TMEM108: variants seen among roughly 807,000 people sequenced by gnomAD.
The protein encoded by TMEM108 is cancer/testis antigen 124.
A neutral mutation model predicts 35.1 loss-of-function variants in TMEM108; 12 were observed. The observed-to-expected ratio is 0.34, with a 90% CI of 0.22 to 0.55. The LOEUF is 0.55. Ranked by LOEUF, TMEM108 falls within the 20% of genes least tolerant of loss-of-function variation. The pLI, the probability that TMEM108 is intolerant of heterozygous loss-of-function variation, is 0.89. For missense variants in TMEM108, 680 were observed against 753.3 expected (o/e 0.90, Z 1.14); for synonymous variants, 287 against 308.6 (o/e 0.93, Z 0.73).
At chr3:133,100,350 A>G (rs1944071993) in intron 2 of TMEM108, among the ~76,000 whole-genome samples, 1 of 152,220 alleles carries the variant, frequency 6.6e-6, no homozygotes, top group Admixed American at 6.5e-5. Flanking sequence ...CTATAATCCC[A>G]GCATTTTGGG....
At chr3:133,343,960 C>G (rs75072588) in intron 3 of TMEM108, among the ~76,000 whole-genome samples, 241 of 151,956 alleles carry the variant, frequency 1.6e-3, no homozygotes, top group African/African-American at 5.4e-3. Context: ...CTTTTTCCAA[C>G]CAAACCATAT....
At chr3:133,340,737 G>A (rs1302398375) in intron 3 of TMEM108, among the ~76,000 whole-genome samples, 1 of 151,772 alleles carries the variant, frequency 6.6e-6, no homozygotes, top group African/African-American at 2.4e-5. Context: ...GACCAAATGG[G>A]ATTTATCCCA....
chr3:133,292,894 A>G (rs1413209050), intron 3 of TMEM108, among the ~76,000 whole-genome samples: 2 of 152,224 alleles, frequency 1.3e-5, no homozygotes, highest in Non-Finnish European at 2.9e-5. Flanking sequence ...ATAACTGGCC[A>G]AATGAGACAT....
chr3:133,222,876 T>C (rs1946012836), intron 2 of TMEM108, among the ~76,000 whole-genome samples: 1 of 152,110 alleles, frequency 6.6e-6, no homozygotes, highest in South Asian at 2.1e-4. Context: ...TCACCCAGGC[T>C]GGAGCATGAT....
At chr3:133,108,522 C>T (rs1944186125) in intron 2 of TMEM108, among the ~76,000 whole-genome samples, 2 of 151,878 alleles carry the variant, frequency 1.3e-5, no homozygotes, top group African/African-American at 2.4e-5. Flanking sequence ...GATATTAGCC[C>T]TTTGTCAGAT....
At chr3:133,059,588 C>T (rs1260059107) in intron 2 of TMEM108, among the ~76,000 whole-genome samples, 1 of 152,180 alleles carries the variant, frequency 6.6e-6, no homozygotes, top group African/African-American at 2.4e-5. Context: ...TTCTTTCAGA[C>T]CTCGCATAAA....
intron 2 of TMEM108, among the ~76,000 whole-genome samples, chr3:133,186,145 A>G (rs898996733): frequency 2.0e-5 from 3 of 152,198 alleles, no homozygotes; most frequent in Non-Finnish European, 2.9e-5. Context: ...TGGGTGATCA[A>G]GGTAAATAAC....
At chr3:133,303,038 T>A (rs1430400177) in intron 3 of TMEM108, among the ~76,000 whole-genome samples, 1 of 152,168 alleles carries the variant, frequency 6.6e-6, no homozygotes, top group Non-Finnish European at 1.5e-5. Flanking sequence ...AAGCCTGAAG[T>A]GTTCCAGGAA....
intron 2 of TMEM108, among the ~76,000 whole-genome samples, chr3:133,121,699 A>G (rs1014971458): frequency 6.6e-6 from 1 of 152,224 alleles, no homozygotes; most frequent in Non-Finnish European, 1.5e-5. Context: ...TCTGGCTTTC[A>G]GAGATTTCCT....
intron 3 of TMEM108, among the ~76,000 whole-genome samples, chr3:133,271,894 G>T (rs1289684560): frequency 6.6e-6 from 1 of 152,202 alleles, no homozygotes; most frequent in East Asian, 1.9e-4. Context: ...AAGGCAAAGA[G>T]AAATTTTACA....
chr3:133,196,968 A>G (rs1042467947), intron 2 of TMEM108, among the ~76,000 whole-genome samples: 2 of 152,238 alleles, frequency 1.3e-5, no homozygotes, highest in African/African-American at 2.4e-5. Context: ...GGTTAGGTAC[A>G]CTGTCAGGTT....
chr3:133,213,592 G>T (rs1945864401), intron 2 of TMEM108, among the ~76,000 whole-genome samples: 4 of 152,226 alleles, frequency 2.6e-5, no homozygotes, highest in Admixed American at 2.6e-4. Context: ...TTTGCAGTGA[G>T]TGACAGATGA....
intron 3 of TMEM108, among the ~76,000 whole-genome samples, chr3:133,307,496 T>C (rs963287764): frequency 4.6e-5 from 7 of 152,210 alleles, no homozygotes; most frequent in Non-Finnish European, 8.8e-5. Flanking sequence ...AGGGTTTTTA[T>C]GGTTTTAGGT....
At chr3:133,103,400 A>G (rs1220120749) in intron 2 of TMEM108, among the ~76,000 whole-genome samples, 1 of 152,282 alleles carries the variant, frequency 6.6e-6, no homozygotes, top group East Asian at 1.9e-4. Flanking sequence ...ACATGGACAC[A>G]TAGAGGGAAA....
At chr3:133,259,440 A>G (rs1278441843) in intron 3 of TMEM108, among the ~76,000 whole-genome samples, 1 of 152,230 alleles carries the variant, frequency 6.6e-6, no homozygotes, top group Non-Finnish European at 1.5e-5. Context: ...TACAAAGTGC[A>G]TGCCCCACTG....
intron 2 of TMEM108, among the ~76,000 whole-genome samples, chr3:133,204,217 A>T (rs1945716529): frequency 6.7e-6 from 1 of 150,288 alleles, no homozygotes. Flanking sequence ...TTGGCAGTCT[A>T]GCTATTTTGT....
rs201721413 is a variant in TMEM108, at chr3:133,276,578, A to G, written c.40+47227A>G. 1.1e-4 allele frequency among the ~76,000 whole-genome samples: 16 copies of G among 152,334 alleles called. No homozygotes were observed. In the East Asian group the frequency reaches 3.1e-3, roughly 29 times the overall value. ...GGTCATAGCCACATACCAATTATGT[A>G]GCCCCTGATTTGGGGGTTTCTTAAT... On this transcript the variant is annotated intron_variant, in intron 3 of 5. Coordinates refer to ENST00000321871, the MANE Select transcript of TMEM108 (RefSeq NM_023943.4).
intron 2 of TMEM108, among the ~76,000 whole-genome samples, chr3:133,221,802 C>A (rs1945997177): frequency 6.6e-6 from 1 of 150,676 alleles, no homozygotes; most frequent in African/African-American, 2.4e-5. Context: ...CAAAATAAAC[C>A]TTTACAATTT....
intron 2 of TMEM108, among the ~76,000 whole-genome samples, chr3:133,053,575 T>C (rs1417566393): frequency 6.6e-6 from 1 of 152,232 alleles, no homozygotes; most frequent in Non-Finnish European, 1.5e-5. Flanking sequence ...AAGGCTTAAC[T>C]AAAGATGCAC....
Sources: allele counts gnomAD v4.1 joint callset (sites outside exome capture counted in the v4.1 genomes callset), GRCh38; gene constraint gnomAD v4.1.1; transcripts MANE v1.5; gene names NCBI Gene and HGNC (gene_info 2026-07-23, HGNC 2026-07-21).